The following ATAD2B variants were observed in gnomAD, a reference collection of about 807,000 sequenced individuals.
ATAD2B encodes ATPase family AAA domain-containing protein 2B.
ATAD2B carries 40 observed loss-of-function variants against 167.6 expected under a neutral mutation model. The observed-to-expected ratio is 0.24, with a 90% confidence interval of 0.19 to 0.31. The LOEUF is 0.31. Ranked by LOEUF, ATAD2B falls within the 10% of genes least tolerant of loss-of-function variation. The probability of loss-of-function intolerance (pLI) is 1.00; values close to 1 mark genes in which losing one functional copy is unlikely to be tolerated. For missense variants in ATAD2B, 1,242 were observed against 1,757.2 expected (o/e 0.71, Z 5.24); for synonymous variants, 579 against 596.5 (o/e 0.97, Z 0.43).
intron 1 of ATAD2B, among the ~76,000 whole-genome samples, chr2:23,917,753 T>G (rs1003572708): frequency 2.0e-5 from 3 of 150,808 alleles, no homozygotes; most frequent in African/African-American, 7.3e-5. Flanking sequence ...ATAGTGAGAC[T>G]CCTGTCTGGA....
downstream of ATAD2B, among the ~76,000 whole-genome samples, chr2:23,747,362 TATA>T (rs949993352): frequency 7.9e-5 from 12 of 151,412 alleles, no homozygotes; most frequent in African/African-American, 2.7e-4. Context: ...ATATTATATA[TATA>T]ATACTATACA....
chr2:23,753,778 A>G (rs1675629082), intron 27 of ATAD2B, among the ~76,000 whole-genome samples: 1 of 152,110 alleles, frequency 6.6e-6, no homozygotes, highest in Non-Finnish European at 1.5e-5. Context: ...CAACGCCTTT[A>G]TATCAGCAGT....
rs1179055532 is a variant in ATAD2B, at chr2:23,927,054, T to C, written c.-284A>G. The C allele has an allele frequency of 1.4e-5, 6 of 419,590 alleles. No individual in the cohort carries two copies. The highest frequency in any genetic ancestry group is 2.1e-5 in the African/African-American group (1 of 47,856). The allele number at this position is 419,590 out of a possible 1,614,324, so 26.0% of individuals were successfully genotyped here. A position where few individuals can be genotyped will look rare whatever the true frequency, so the allele number is the denominator to read the frequency against. On this transcript the variant is annotated 5_prime_UTR_variant, in exon 1 of 28. Coordinates refer to ENST00000238789, the MANE Select transcript of ATAD2B (RefSeq NM_017552.4). The stretch of plus-strand genomic sequence containing the variant: ...GGGAGCCGAGCGGAGCCGCCATTTC[T>C]ACCCCTTTCTCTCCCGTTCTCGCTC...
rs74328877 is a variant in ATAD2B, at chr2:23,853,712, G to A, written c.1568+3703C>T. Among the ~76,000 whole-genome samples the A allele has an allele frequency of 2.5e-3, 386 of 152,310 alleles. 4 individuals are homozygous for A. The highest frequency in any genetic ancestry group is 9.3e-4 in the Non-Finnish European group (63 of 68,024). On this transcript the variant is annotated intron_variant, in intron 13 of 27. Transcript: ENST00000238789. ...GAAACTGACAAGAGGCTTTAGAAAT[G>A]TAAATGGAAAGATAATAGATGACTA...
At chr2:23,816,796 A>G (rs899549321) in intron 17 of ATAD2B, among the ~76,000 whole-genome samples, 1 of 152,210 alleles carries the variant, frequency 6.6e-6, no homozygotes, top group African/African-American at 2.4e-5. Context: ...TTATGGTAAT[A>G]TAAAGTAAGA....
In ATAD2B at chr2:23,838,767, T is replaced by C. The variant is rs554508485; in HGVS notation, c.1569-4689A>G. On this transcript the variant is annotated intron_variant, in intron 13 of 27. Transcript: ENST00000238789. The stretch of plus-strand genomic sequence containing the variant: ...TCTGCACTGCCTCTTTTACCATAAA[T>C]TAGGCATCCATATGTGTGTGCATTT... Among the ~76,000 whole-genome samples, 5 of 152,280 alleles carry C rather than the reference T, an allele frequency of 3.3e-5. No individual in the cohort carries two copies. The South Asian group carries it at 1.0e-3, about 32-fold the overall frequency.
At chr2:23,879,266 C>A (rs1697494551) in intron 7 of ATAD2B, among the ~76,000 whole-genome samples, 1 of 150,210 alleles carries the variant, frequency 6.7e-6, no homozygotes, top group Admixed American at 6.6e-5. Flanking sequence ...AATGGATAAA[C>A]AAATTGTGAT....
At chr2:23,767,984 T>C (rs953204818) in intron 22 of ATAD2B, among the ~76,000 whole-genome samples, 3 of 151,650 alleles carry the variant, frequency 2.0e-5, no homozygotes, top group Non-Finnish European at 2.9e-5. Flanking sequence ...GCTTCAGGCA[T>C]TTCAGTTTGG....
the ATAD2B span, among the ~76,000 whole-genome samples, chr2:23,726,188 T>A: frequency 6.6e-6 from 1 of 152,170 alleles, no homozygotes; most frequent in African/African-American, 2.4e-5. Flanking sequence ...CGAGTGTCCA[T>A]CAAAGGATGA....
rs747831262 is a variant in ATAD2B at position 23,884,848 on chromosome 2, A to G, written c.701T>C (p.Val234Ala). The stretch of plus-strand genomic sequence containing the variant: ...TCTTAGTGACTTTCTTCGCCTTTTC[A>G]CTCTTGAATACATATCCATGTTTTC... ...EFENMDMYSR[V>A]KRRRKSLRRN... The change falls in exon 6 of 28, where the codon GTG becomes GCG. Residue 234 changes from valine to alanine, a missense_variant. By Grantham distance (64) the Val-to-Ala change is moderately conservative (BLOSUM62 0). Coordinates refer to ENST00000238789, the MANE Select transcript of ATAD2B (RefSeq NM_017552.4). 1 of 1,580,976 alleles carries G rather than the reference A, an allele frequency of 6.3e-7. No homozygotes were observed. Among genetic ancestry groups the G allele is most frequent in the East Asian group, 2.3e-5 (1 of 43,982 alleles).
the ATAD2B span, among the ~76,000 whole-genome samples, chr2:23,732,445 A>G: frequency 2.6e-5 from 4 of 152,224 alleles, no homozygotes; most frequent in Admixed American, 2.6e-4. Context: ...AAAGATTTCA[A>G]TTGGAGTAGA....
At chr2:23,872,448 G>C in intron 8 of ATAD2B, 1 of 726,738 alleles carries the variant, frequency 1.4e-6, no homozygotes. Flanking sequence ...AGAGGCTGTT[G>C]CCATGCACTG....
chr2:23,798,294 A>C lies in ATAD2B; in HGVS notation c.2484T>G (p.Pro828=). ...CAATGTGAGGCATGTAAACAATACT[A>C]GGTACTGTTCTTCGAGCTTCACGAA... ...QIFREARRTV[P]SIVYMPHIGD... is the part of the protein sequence containing the mutation. The change falls in exon 19 of 28, where the codon CCT becomes CCG. Residue 828 remains proline (P), a synonymous_variant. Coordinates refer to ENST00000238789, the MANE Select transcript of ATAD2B (RefSeq NM_017552.4). The C allele has an allele frequency of 2.5e-6, 4 of 1,605,058 alleles. No homozygotes were observed. Among genetic ancestry groups the C allele is most frequent in the Non-Finnish European group, 3.4e-6 (4 of 1,175,266 alleles).
chr2:23,854,432 C>T (rs1443952976), intron 13 of ATAD2B, among the ~76,000 whole-genome samples: 2 of 152,006 alleles, frequency 1.3e-5, no homozygotes, highest in Non-Finnish European at 2.9e-5. Flanking sequence ...AAGCCCAACA[C>T]TTTGGGAGGC....
chr2:23,922,943 T>C (rs1704174014), intron 1 of ATAD2B, among the ~76,000 whole-genome samples: 1 of 152,160 alleles, frequency 6.6e-6, no homozygotes, highest in African/African-American at 2.4e-5. Context: ...TGGAAAACAG[T>C]ATGAACGTTC....
chr2:23,789,951 T>TA (rs1377352949), intron 19 of ATAD2B, among the ~76,000 whole-genome samples: 1 of 152,138 alleles, frequency 6.6e-6, no homozygotes, highest in African/African-American at 2.4e-5. Context: ...CAATGAAAGG[T>TA]AAACATCAGA....
At chr2:23,715,424 A>G in the ATAD2B span, among the ~76,000 whole-genome samples, 3 of 151,986 alleles carry the variant, frequency 2.0e-5, no homozygotes, top group Admixed American at 6.6e-5. Flanking sequence ...ATACAAAAAA[A>G]TTAGCCAGGC....
At position 23,833,940 on chromosome 2, in the gene ATAD2B, G is replaced by A; in HGVS notation, c.1707C>T (p.Leu569=). The A allele has an allele frequency of 1.9e-6, 3 of 1,605,584 alleles. No individual in the cohort carries two copies. Among genetic ancestry groups the A allele is most frequent in the Non-Finnish European group, 2.5e-6 (3 of 1,177,938 alleles). ...TTACCTTTTGATCAGGCAGGTTGAAGAGGAATTCTCTGTCAAAACGACCAG... is the reference window on the plus strand; with the variant it reads ...TTACCTTTTGATCAGGCAGGTTGAAAAGGAATTCTCTGTCAAAACGACCAG... ...RRPGRFDREF[L]FNLPDQKARK... The change falls in exon 14 of 28, where the codon CTC becomes CTT. Residue 569 remains leucine, a synonymous_variant. Coordinates refer to ENST00000238789, the MANE Select transcript of ATAD2B (RefSeq NM_017552.4).
chr2:23,919,083 C>G (rs1285785060), intron 1 of ATAD2B, among the ~76,000 whole-genome samples: 2 of 152,102 alleles, frequency 1.3e-5, no homozygotes, highest in Non-Finnish European at 2.9e-5. Context: ...TGGTGCACAC[C>G]TGTAACCCTA....
Sources: allele counts gnomAD v4.1 joint callset (sites outside exome capture counted in the v4.1 genomes callset), GRCh38; gene constraint gnomAD v4.1.1; transcripts MANE v1.5; gene names NCBI Gene and HGNC (gene_info 2026-07-23, HGNC 2026-07-21).